UBE2D4: variants seen among roughly 807,000 people sequenced by gnomAD.
The protein encoded by UBE2D4 is ubiquitin-conjugating enzyme E2 D4.
UBE2D4 carries 17 observed loss-of-function variants against 23.0 expected under a neutral mutation model. That is an observed-to-expected ratio of 0.74 (90% CI 0.51 to 1.11). The LOEUF (loss-of-function observed/expected upper bound fraction) is 1.11, where lower values mean the gene tolerates loss of function less well. UBE2D4 is among the 50% of genes least tolerant of loss of function. UBE2D4 has a pLI of 0.00. For missense variants in UBE2D4, 139 were observed against 181.8 expected, an observed-to-expected ratio of 0.76 and a Z score of 1.35; for synonymous variants, 61 against 69.4, an observed-to-expected ratio of 0.88 and a Z score of 0.60.
chr7:43,929,449 A>G (rs2095940736), intron 1 of UBE2D4, among the ~76,000 whole-genome samples: 1 of 151,114 alleles, frequency 6.6e-6, no homozygotes, highest in Non-Finnish European at 1.5e-5. Flanking sequence ...AAAAGTAAAT[A>G]AAAATTAAAA....
chr7:43,933,089 A>G (rs1018597036), intron 1 of UBE2D4, among the ~76,000 whole-genome samples: 1 of 147,594 alleles, frequency 6.8e-6, no homozygotes, highest in Non-Finnish European at 1.5e-5. Context: ...ACACATATGT[A>G]TGTGTGTATA....
chr7:43,933,023 T>C (rs60037258), intron 1 of UBE2D4, among the ~76,000 whole-genome samples: 42,030 of 122,522 alleles, frequency 0.34, 8,430 homozygotes, highest in South Asian at 0.55. Context: ...TACACACACA[T>C]ATATATACAC....
In UBE2D4 at chr7:43,952,829, C is replaced by G. The variant is rs2096005933; in HGVS notation, c.*134C>G. 4.1e-6 allele frequency: 3 copies of G among 731,328 alleles called. No homozygotes were observed. The highest frequency in any genetic ancestry group is 2.6e-5 in the East Asian group (1 of 37,984). The allele number at this position is 731,328 out of a possible 1,614,324, so 45.3% of individuals were successfully genotyped here. On this transcript the variant is annotated 3_prime_UTR_variant, in exon 7 of 7. Coordinates refer to ENST00000222402, the MANE Select transcript of UBE2D4 (RefSeq NM_015983.4). The stretch of plus-strand genomic sequence containing the variant: ...TTCAAACAAATGTTGGTCACCCACT[C>G]TCTCCAGCTGCAGCATGTTGGTGCC...
rs569039493 is a variant in UBE2D4 at position 43,936,324 on chromosome 7, G to A, written c.25-2107G>A. ...GGAGTCTTGGAGTTGACGAAACACC[G>A]TAAAGGAATAACTGAGTGTGTACCA... is the stretch of plus-strand genomic sequence containing the variant. On this transcript the variant is annotated intron_variant, in intron 1 of 6. Coordinates refer to ENST00000222402, the MANE Select transcript of UBE2D4 (RefSeq NM_015983.4). Among the ~76,000 whole-genome samples the A allele has an allele frequency of 6.6e-4, 100 of 152,092 alleles. 1 individual carries two copies. In the South Asian group the frequency reaches 0.019, roughly 30 times the overall value.
chr7:43,936,790 C>T (rs1034850076), intron 1 of UBE2D4, among the ~76,000 whole-genome samples: 3 of 152,136 alleles, frequency 2.0e-5, no homozygotes, highest in Admixed American at 6.5e-5. Context: ...ACAATAGTAC[C>T]GGCAAGTTGG....
chr7:43,940,658 G>T (rs987289737), intron 2 of UBE2D4, among the ~76,000 whole-genome samples: 2 of 152,022 alleles, frequency 1.3e-5, no homozygotes, highest in African/African-American at 2.4e-5. Context: ...ATCCTTTCTC[G>T]TCCTCTTGCT....
chr7:43,953,487 G>A lies in UBE2D4; in HGVS notation c.*792G>A, dbSNP rs2096007477. 3.5e-6 allele frequency: 1 copy of A among 283,120 alleles called. No homozygotes were observed. Among genetic ancestry groups the A allele is most frequent in the African/African-American group, 2.2e-5 (1 of 45,522 alleles). 17.5% of individuals were successfully genotyped at this position (283,120 alleles called of 1,614,324 possible). ...AGGAGCCTACACTAAGTCCAAGTGT[G>A]AGCCATTCACAGACTAGAACACAAG... On this transcript the variant is annotated 3_prime_UTR_variant, in exon 7 of 7. Transcript: ENST00000222402.
intron 2 of UBE2D4, 45 bp downstream of exon 2, chr7:43,938,539 A>G (rs770023678): frequency 6.3e-7 from 1 of 1,596,616 alleles, no homozygotes; most frequent in South Asian, 1.1e-5. Context: ...ATTTTAATTA[A>G]GACCCCCCAA....
intron 1 of UBE2D4, among the ~76,000 whole-genome samples, chr7:43,934,919 C>T (rs2095955231): frequency 6.6e-6 from 1 of 152,044 alleles, no homozygotes; most frequent in Non-Finnish European, 1.5e-5. Context: ...TAGTGGTGCT[C>T]CTTCTTAGAA....
chr7:43,943,214 T>G, intron 4 of UBE2D4, 183 bp downstream of exon 4: 1 of 645,176 alleles, frequency 1.5e-6, no homozygotes. Flanking sequence ...TAGCACCTGT[T>G]GTGATCAAGG....
chr7:43,951,526 GTA>G (rs1212533883), intron 6 of UBE2D4, among the ~76,000 whole-genome samples: 1 of 151,366 alleles, frequency 6.6e-6, no homozygotes, highest in Non-Finnish European at 1.5e-5. Context: ...TTAGAATAGA[GTA>G]TGTTTTTCCC....
intron 1 of UBE2D4, among the ~76,000 whole-genome samples, chr7:43,933,013 T>TATATATATATATATATATATATAC (rs1340458201): frequency 1.7e-5 from 2 of 116,648 alleles, no homozygotes; most frequent in African/African-American, 3.4e-5. Context: ...TATATATATA[T>TATATATATATATATATATATATAC]ACACACACAT....
rs367757969 is a variant in UBE2D4, at chr7:43,926,512, G to A, written c.-21G>A. On this transcript the variant is annotated 5_prime_UTR_variant, in exon 1 of 7. Transcript: ENST00000222402. ...CAGGCAGCCCCGGCCGGGCCGCCCGGGTCCCCGGCAGCGGGGTAGGATGGC... is the reference window on the plus strand; with the variant it reads ...CAGGCAGCCCCGGCCGGGCCGCCCGAGTCCCCGGCAGCGGGGTAGGATGGC... The A allele has an allele frequency of 7.2e-6, 11 of 1,523,450 alleles. No individual in the cohort carries two copies. The highest frequency in any genetic ancestry group is 3.4e-4 in the Middle Eastern group (2 of 5,818). 94.4% of individuals were successfully genotyped at this position (1,523,450 alleles called of 1,614,324 possible). A position where few individuals can be genotyped will look rare whatever the true frequency, so the allele number is the denominator to read the frequency against.
chr7:43,931,191 C>T (rs2095944658), intron 1 of UBE2D4, among the ~76,000 whole-genome samples: 1 of 151,576 alleles, frequency 6.6e-6, no homozygotes, highest in African/African-American at 2.4e-5. Flanking sequence ...AATCCTAGCA[C>T]TTTGGGAGGC....
chr7:43,941,718 C>G (rs2095973089), intron 2 of UBE2D4: 1 of 152,192 alleles, frequency 6.6e-6, no homozygotes. Flanking sequence ...ATGGCTGAAG[C>G]CTAGCCAAGG....
intron 5 of UBE2D4, chr7:43,949,196 CAT>C (rs2095995831): frequency 5.1e-6 from 1 of 195,502 alleles, no homozygotes; most frequent in African/African-American, 2.3e-5. Context: ...ATGTTGAGCA[CAT>C]GTCTTTGGTT....
At chr7:43,931,895 C>T (rs1232357382) in intron 1 of UBE2D4, among the ~76,000 whole-genome samples, 1 of 151,838 alleles carries the variant, frequency 6.6e-6, no homozygotes, top group East Asian at 1.9e-4. Flanking sequence ...TGCCATGTTG[C>T]CAGGCTGGTC....
chr7:43,931,087 C>T (rs531480881), intron 1 of UBE2D4, among the ~76,000 whole-genome samples: 1 of 151,136 alleles, frequency 6.6e-6, no homozygotes, highest in South Asian at 2.1e-4. Context: ...TGCCACTACA[C>T]TCCAGCCTGG....
chr7:43,932,323 G>C (rs1051617811), intron 1 of UBE2D4, among the ~76,000 whole-genome samples: 1 of 152,124 alleles, frequency 6.6e-6, no homozygotes, highest in Non-Finnish European at 1.5e-5. Context: ...ACCAGATCTT[G>C]TGAGAAGAGG....
Sources: allele counts gnomAD v4.1 joint callset (sites outside exome capture counted in the v4.1 genomes callset), GRCh38; gene constraint gnomAD v4.1.1; transcripts MANE v1.5; gene names NCBI Gene and HGNC (gene_info 2026-07-23, HGNC 2026-07-21).